Variants in ADGRL3 observed in about 807,000 individuals in gnomAD.
ADGRL3 encodes adhesion G protein-coupled receptor L3, also known as calcium-independent alpha-latrotoxin receptor 3.
A neutral mutation model predicts 153.5 loss-of-function variants in ADGRL3; 62 were observed. The ratio of observed to expected loss-of-function variants is 0.40; its 90% CI spans 0.33 to 0.50. ADGRL3 has a LOEUF of 0.50. Ranked by LOEUF, ADGRL3 falls within the 20% of genes least tolerant of loss-of-function variation. ADGRL3 has a pLI of 0.47. For missense variants in ADGRL3, 1,641 were observed against 1,859.4 expected (o/e 0.88, Z 2.16); for synonymous variants, 710 against 672.5 (o/e 1.06, Z -0.86).
chr4:61,581,240 A>T (rs1255715618), intron 4 of ADGRL3, among the ~76,000 whole-genome samples: 1 of 151,920 alleles, frequency 6.6e-6, no homozygotes, highest in Non-Finnish European at 1.5e-5. Flanking sequence ...GTCACCTTAC[A>T]TGATTATTCA....
rs574776450 is a variant in ADGRL3 at position 61,613,359 on chromosome 4, G to A, written c.473+25919G>A. On this transcript the variant is annotated intron_variant, in intron 5 of 26. Transcript: ENST00000683033. ...AGAATCATCTTTTATATTTGACATG[G>A]TATATTTAAGACATGGTCATGAAAT... is the stretch of plus-strand genomic sequence containing the variant. 5.3e-5 allele frequency among the ~76,000 whole-genome samples: 8 copies of A among 152,268 alleles called. No individual in the cohort carries two copies. The South Asian group carries it at 1.7e-3, about 32-fold the overall frequency.
At chr4:61,885,198 G>A (rs866831559) in intron 9 of ADGRL3, among the ~76,000 whole-genome samples, 1 of 151,914 alleles carries the variant, frequency 6.6e-6, no homozygotes, top group Non-Finnish European at 1.5e-5. Flanking sequence ...ATCGCTTGGC[G>A]CGCGCCTGTA....
intron 4 of ADGRL3, among the ~76,000 whole-genome samples, chr4:61,581,676 T>C (rs937223589): frequency 4.6e-5 from 7 of 152,066 alleles, no homozygotes; most frequent in South Asian, 2.1e-4. Flanking sequence ...AACTCTCAAA[T>C]TGATGAAGAT....
chr4:61,852,567 G>A (rs1387690130), intron 9 of ADGRL3, among the ~76,000 whole-genome samples: 6 of 151,986 alleles, frequency 3.9e-5, no homozygotes, highest in Non-Finnish European at 7.4e-5. Flanking sequence ...CGCCCGCCTC[G>A]GCCTCCGAAA....
rs1294657773 is a variant in ADGRL3, at chr4:61,372,977, A to T, written c.-239-10147A>T. The stretch of plus-strand genomic sequence containing the variant: ...CGGAAAAGCGCAGTATTCGGGTGGG[A>T]GTGACCCGATTCTCCAGGTGCGGTC... On this transcript the variant is annotated intron_variant, in intron 1 of 26. Coordinates refer to ENST00000683033, the MANE Select transcript of ADGRL3 (RefSeq NM_001387552.1). Among the ~76,000 whole-genome samples, 5 of 152,230 alleles carry T rather than the reference A, an allele frequency of 3.3e-5. 1 individual carries two copies. The East Asian group carries it at 7.7e-4, about 24-fold the overall frequency.
At chr4:61,930,542 G>A (rs1187054273) in intron 13 of ADGRL3, among the ~76,000 whole-genome samples, 1 of 152,116 alleles carries the variant, frequency 6.6e-6, no homozygotes, top group African/African-American at 2.4e-5. Context: ...TATAGAAAGT[G>A]TAATTATAAA....
At chr4:61,759,906 G>T (rs140615781) in intron 8 of ADGRL3, among the ~76,000 whole-genome samples, 2 of 152,312 alleles carry the variant, frequency 1.3e-5, no homozygotes, top group Non-Finnish European at 1.5e-5. Flanking sequence ...ACCCTCAGCT[G>T]CAGGTCTGTT....
chr4:61,503,668 G>C (rs1186483819), intron 3 of ADGRL3, among the ~76,000 whole-genome samples: 1 of 151,904 alleles, frequency 6.6e-6, no homozygotes, highest in East Asian at 1.9e-4. Flanking sequence ...TATTTTCTAA[G>C]AATAGCTTTT....
chr4:61,996,162 C>G (rs764491869), intron 19 of ADGRL3, 129 bp from the exon 20 acceptor site: 60 of 638,258 alleles, frequency 9.4e-5, no homozygotes, highest in Non-Finnish European at 1.7e-4. Flanking sequence ...AATGAACAAG[C>G]AATGTAATAT....
intron 17 of ADGRL3, among the ~76,000 whole-genome samples, chr4:61,962,835 T>C: frequency 6.6e-6 from 1 of 152,234 alleles, no homozygotes; most frequent in East Asian, 1.9e-4. Flanking sequence ...AAATTTATAA[T>C]GTGCTCAATC....
At chr4:61,413,652 A>C (rs1428818541) in intron 2 of ADGRL3, among the ~76,000 whole-genome samples, 2 of 152,168 alleles carry the variant, frequency 1.3e-5, no homozygotes, top group Non-Finnish European at 2.9e-5. Context: ...TCTTTGGCTC[A>C]GGAAAGCAAG....
intron 1 of ADGRL3, among the ~76,000 whole-genome samples, chr4:61,353,650 A>G (rs2096100466): frequency 8.2e-6 from 1 of 122,640 alleles, no homozygotes; most frequent in Non-Finnish European, 1.6e-5. Flanking sequence ...TATATTGCCT[A>G]GGCCAGTCTC....
At chr4:61,920,951 C>A (rs923608837) in intron 13 of ADGRL3, among the ~76,000 whole-genome samples, 3 of 152,080 alleles carry the variant, frequency 2.0e-5, no homozygotes, top group Non-Finnish European at 1.5e-5. Flanking sequence ...CAACTAGCAG[C>A]CTCAGATGCA....
At chr4:61,629,887 T>C (rs1213727568) in intron 5 of ADGRL3, among the ~76,000 whole-genome samples, 2 of 152,100 alleles carry the variant, frequency 1.3e-5, no homozygotes, top group African/African-American at 2.4e-5. Flanking sequence ...TAGAGACTAA[T>C]TCTAATCAAT....
At chr4:61,747,838 G>A (rs1358145263) in intron 8 of ADGRL3, among the ~76,000 whole-genome samples, 1 of 151,836 alleles carries the variant, frequency 6.6e-6, no homozygotes, top group Admixed American at 6.6e-5. Flanking sequence ...ACTCAACATA[G>A]TGTTGGAAGT....
At position 61,892,966 on chromosome 4, in the gene ADGRL3, T is replaced by C. The variant is rs2098599225; in HGVS notation, c.1783+8T>C. 2.7e-6 allele frequency: 4 copies of C among 1,501,732 alleles called. No individual in the cohort carries two copies. Among genetic ancestry groups the C allele is most frequent in the Non-Finnish European group, 2.7e-6 (3 of 1,127,550 alleles). The allele number at this position is 1,501,732 out of a possible 1,614,324, so 93.0% of individuals were successfully genotyped here. ...GCCCTGCAGGAACTATAGGTAAGTCTGTGCTAAAGCACTAAGTTAAAACTG... is the reference window on the plus strand; with the variant it reads ...GCCCTGCAGGAACTATAGGTAAGTCCGTGCTAAAGCACTAAGTTAAAACTG... On this transcript the variant is annotated splice_region_variant and intron_variant, in intron 10 of 26. Transcript: ENST00000683033.
At chr4:61,619,233 C>T (rs921177012) in intron 5 of ADGRL3, among the ~76,000 whole-genome samples, 8 of 152,070 alleles carry the variant, frequency 5.3e-5, no homozygotes, top group Non-Finnish European at 8.8e-5. Context: ...GTGCATAGAC[C>T]GTACAAAGTT....
At chr4:61,741,646 G>T (rs7692773) in intron 8 of ADGRL3, among the ~76,000 whole-genome samples, 152,113 of 152,356 alleles carry the variant, frequency 1, 75,936 homozygotes, top group Middle Eastern at 1. Context: ...GTATTTTTAT[G>T]TCTTCATAAT....
chr4:61,994,428 A>T (rs1432613190), intron 19 of ADGRL3, among the ~76,000 whole-genome samples: 1 of 151,870 alleles, frequency 6.6e-6, no homozygotes, highest in Non-Finnish European at 1.5e-5. Flanking sequence ...CTGGGATAAC[A>T]GGGGTGAGCC....
Sources: gnomAD v4.1 joint callset for allele counts (sites outside exome capture counted in the v4.1 genomes callset) on GRCh38, gnomAD v4.1.1 for gene constraint, MANE v1.5 for transcripts, NCBI Gene and HGNC (gene_info 2026-07-23, HGNC 2026-07-21) for gene names.